ZC3HAV1: variants seen among roughly 807,000 people sequenced by gnomAD.
The protein encoded by ZC3HAV1 is zinc finger CCCH-type antiviral protein 1.
In ZC3HAV1, 41 loss-of-function variants were observed where a neutral mutation model predicts 86.6. That is an observed-to-expected ratio of 0.47 (90% CI 0.37 to 0.61). ZC3HAV1 has a LOEUF of 0.61. Among genes scored for constraint, ZC3HAV1 ranks in the 20% least tolerant of loss-of-function variants. ZC3HAV1 has a pLI of 0.00. For missense variants in ZC3HAV1, 964 were observed against 1,141.1 expected (o/e 0.84, Z 2.24); for synonymous variants, 421 against 432.1 (o/e 0.97, Z 0.32).
intron 1 of ZC3HAV1, among the ~76,000 whole-genome samples, chr7:139,096,572 G>T (rs1755045235): frequency 6.6e-6 from 1 of 152,038 alleles, no homozygotes; most frequent in Admixed American, 6.6e-5. Flanking sequence ...TTATTGACTT[G>T]GTACCTAGGA....
chr7:139,088,433 A>G (rs1262794723), intron 2 of ZC3HAV1, among the ~76,000 whole-genome samples: 1 of 152,208 alleles, frequency 6.6e-6, no homozygotes, highest in Non-Finnish European at 1.5e-5. Flanking sequence ...TGTCCATGTC[A>G]CATCTTTTAA....
rs974508841 is a variant in ZC3HAV1 at position 139,046,903 on chromosome 7, T to C, written c.*691A>G. 1 of 152,140 alleles carries C rather than the reference T, an allele frequency of 6.6e-6. No individual in the cohort carries two copies. Among genetic ancestry groups the C allele is most frequent in the African/African-American group, 2.4e-5 (1 of 41,426 alleles). The allele number at this position is 152,140 out of a possible 1,614,324, so 9.4% of individuals were successfully genotyped here. On this transcript the variant is annotated 3_prime_UTR_variant, in exon 13 of 13. Coordinates refer to ENST00000242351, the MANE Select transcript of ZC3HAV1 (RefSeq NM_020119.4). ...ACCAAAACAAAACCATGGCATACAG[T>C]AAACTAAAAGGGTAGACAGGAGAGA...
At chr7:139,102,745 ACACAC>A in intron 1 of ZC3HAV1, among the ~76,000 whole-genome samples, 2 of 91,154 alleles carry the variant, frequency 2.2e-5, no homozygotes, top group African/African-American at 7.7e-5. Context: ...ACACACACAC[ACACAC>A]ACACACACAC....
chr7:139,097,444 T>TTTTTA, intron 1 of ZC3HAV1, among the ~76,000 whole-genome samples: 1 of 119,668 alleles, frequency 8.4e-6, no homozygotes, highest in African/African-American at 3.4e-5. Context: ...TTTTTTTTTT[T>TTTTTA]TTTTCTTTGA....
intron 1 of ZC3HAV1, among the ~76,000 whole-genome samples, chr7:139,091,116 C>A (rs527385401): frequency 1.3e-5 from 2 of 152,320 alleles, no homozygotes; most frequent in African/African-American, 4.8e-5. Context: ...CGCCAGCCCC[C>A]ACCCAGAACC....
In ZC3HAV1 at chr7:139,079,590, T is replaced by C. The variant is rs1817064314; in HGVS notation, c.1351A>G (p.Ser451Gly). The C allele has an allele frequency of 1.9e-6, 3 of 1,614,252 alleles. No individual in the cohort carries two copies. Among genetic ancestry groups the C allele is most frequent in the Non-Finnish European group, 2.5e-6 (3 of 1,180,048 alleles). The change falls in exon 4 of 13, where the codon AGC (serine) becomes GGC (glycine). Residue 451 changes from serine to glycine, a missense_variant. Transcript: ENST00000242351. ...GATGATATTTCTCTGTGACCGCTGC[T>C]AGTGCTTTTGTAATTTAAGGATCTG... ...STRSLNYKSTSSGHREISSPR... is the reference protein window; with the variant it reads ...STRSLNYKSTGSGHREISSPR...
intron 1 of ZC3HAV1, among the ~76,000 whole-genome samples, chr7:139,106,463 A>G (rs956873478): frequency 6.6e-6 from 1 of 152,050 alleles, no homozygotes; most frequent in African/African-American, 2.4e-5. Flanking sequence ...AAATACAAAA[A>G]ATTAGCCAAG....
rs986879157 is a variant in ZC3HAV1 at position 139,044,481 on chromosome 7, G to T, written c.*3113C>A. On this transcript the variant is annotated 3_prime_UTR_variant, in exon 13 of 13. Transcript: ENST00000242351. ...ATTTCTCCTTAATAAGAGAGTTAGG[G>T]CATTAAATTGATTTTTTTAAGAAAT... The T allele has an allele frequency of 6.6e-6, 1 of 152,062 alleles. No homozygotes were observed. The highest frequency in any genetic ancestry group is 2.4e-5 in the African/African-American group (1 of 41,374). 9.4% of individuals were successfully genotyped at this position (152,062 alleles called of 1,614,324 possible). A position where few individuals can be genotyped will look rare whatever the true frequency, so the allele number is the denominator to read the frequency against.
intron 1 of ZC3HAV1, among the ~76,000 whole-genome samples, chr7:139,093,998 C>T (rs1168727714): frequency 1.8e-4 from 28 of 152,154 alleles, no homozygotes; most frequent in Admixed American, 1.8e-3. Context: ...GAAAGTCTCC[C>T]GTGGCCTCTT....
chr7:139,100,533 C>CAAAAAA (rs774352815), intron 1 of ZC3HAV1, among the ~76,000 whole-genome samples: 2 of 144,430 alleles, frequency 1.4e-5, no homozygotes. Context: ...GGCTCTGTCT[C>CAAAAAA]AAAAAAAAAC....
chr7:139,060,400 C>G (rs1470719654), intron 9 of ZC3HAV1: 1 of 987,326 alleles, frequency 1.0e-6, no homozygotes, highest in African/African-American at 1.7e-5. Flanking sequence ...GAATCCCCCA[C>G]AGCAACATTT....
At chr7:139,054,863 C>T (rs1043370079) in intron 10 of ZC3HAV1, among the ~76,000 whole-genome samples, 1 of 152,180 alleles carries the variant, frequency 6.6e-6, no homozygotes, top group African/African-American at 2.4e-5. Flanking sequence ...TCTCGGCTCG[C>T]TGCAACCTCC....
intron 7 of ZC3HAV1, among the ~76,000 whole-genome samples, chr7:139,067,562 G>A (rs1343276194): frequency 6.6e-6 from 1 of 152,194 alleles, no homozygotes; most frequent in African/African-American, 2.4e-5. Context: ...CAGAAGGATA[G>A]GGCAGGTTGG....
chr7:139,084,987 T>G (rs986451969), intron 2 of ZC3HAV1, among the ~76,000 whole-genome samples: 1 of 152,222 alleles, frequency 6.6e-6, no homozygotes, highest in Admixed American at 6.5e-5. Flanking sequence ...CGCTAAAACC[T>G]GATTCAAATA....
intron 3 of ZC3HAV1, among the ~76,000 whole-genome samples, chr7:139,081,472 T>C (rs1817126798): frequency 6.6e-6 from 1 of 152,210 alleles, no homozygotes; most frequent in African/African-American, 2.4e-5. Flanking sequence ...ATTGAGAAGC[T>C]ACCACCAAAA....
chr7:139,104,708 C>A (rs1170662886), intron 1 of ZC3HAV1, among the ~76,000 whole-genome samples: 5 of 68,354 alleles, frequency 7.3e-5, no homozygotes, highest in African/African-American at 3.2e-4. Context: ...GGCAACAGAG[C>A]GAGACTCTGT....
intron 5 of ZC3HAV1, among the ~76,000 whole-genome samples, chr7:139,077,368 C>T (rs868518469): frequency 6.6e-6 from 1 of 152,132 alleles, no homozygotes; most frequent in East Asian, 1.9e-4. Context: ...CTCAGTCTCC[C>T]TAGTAGCTGG....
intron 12 of ZC3HAV1, among the ~76,000 whole-genome samples, chr7:139,049,228 C>A (rs1210312514): frequency 6.6e-6 from 1 of 150,762 alleles, no homozygotes; most frequent in Non-Finnish European, 1.5e-5. Context: ...TGGCTCACTG[C>A]AGCCTTGATA....
At chr7:139,070,249 G>A (rs1816728788) in intron 7 of ZC3HAV1, among the ~76,000 whole-genome samples, 1 of 151,996 alleles carries the variant, frequency 6.6e-6, no homozygotes, top group Non-Finnish European at 1.5e-5. Flanking sequence ...TTTGCAGATT[G>A]AATGTTACAT....
Sources: gnomAD v4.1 joint callset for allele counts (sites outside exome capture counted in the v4.1 genomes callset) on GRCh38, gnomAD v4.1.1 for gene constraint, MANE v1.5 for transcripts, NCBI Gene and HGNC (gene_info 2026-07-23, HGNC 2026-07-21) for gene names.